MBOAT2: variants seen among roughly 807,000 people sequenced by gnomAD.
MBOAT2 encodes membrane bound glycerophospholipid O-acyltransferase 2, also known as membrane-bound glycerophospholipid O-acyltransferase 2.
In MBOAT2, 28 loss-of-function variants were observed where a neutral mutation model predicts 63.4. That is an observed-to-expected ratio of 0.44 (90% confidence interval 0.33 to 0.61). The LOEUF is 0.61. Among genes scored for constraint, MBOAT2 ranks in the 20% least tolerant of loss-of-function variants. The probability of loss-of-function intolerance (pLI) is 0.03; values close to 1 mark genes in which losing one functional copy is unlikely to be tolerated. For missense variants in MBOAT2, 470 were observed against 605.8 expected (o/e 0.78, Z 2.35); for synonymous variants, 211 against 215.6 (o/e 0.98, Z 0.19).
intron 3 of MBOAT2, among the ~76,000 whole-genome samples, chr2:8,912,351 G>GAAAGAAAGAAAGAAAGAGAA (rs1553362293): frequency 1.4e-4 from 10 of 69,930 alleles, no homozygotes; most frequent in Non-Finnish European, 1.9e-4. Context: ...AAGAAAGAAA[G>GAAAGAAAGAAAGAAAGAGAA]AGAAAGAAAG....
chr2:8,977,144 C>T (rs1670874212), intron 1 of MBOAT2, among the ~76,000 whole-genome samples: 1 of 151,990 alleles, frequency 6.6e-6, no homozygotes, highest in Admixed American at 6.6e-5. Context: ...GGGTGGATAC[C>T]TATGTCAAAA....
At chr2:8,879,539 A>G (rs1662951618) in intron 6 of MBOAT2, among the ~76,000 whole-genome samples, 1 of 152,174 alleles carries the variant, frequency 6.6e-6, no homozygotes. Context: ...TTTCATATCA[A>G]CTATGTGTTG....
intron 1 of MBOAT2, among the ~76,000 whole-genome samples, chr2:8,994,357 C>G (rs1242505004): frequency 6.6e-6 from 1 of 152,228 alleles, no homozygotes; most frequent in Non-Finnish European, 1.5e-5. Context: ...TCTCGCAGCA[C>G]TGCTTCCTGG....
In MBOAT2 at chr2:8,912,371, A is replaced by AAGAG. The variant is rs869060979; in HGVS notation, c.300-3659_300-3656dup. ...AGAAAGAGAAAGAAAGAAAGAAAGA[A>AAGAG]AGAGAAAGAAAGAAAGAAAGAAAGA... On this transcript the variant is annotated intron_variant, in intron 3 of 12. Coordinates refer to ENST00000305997, the MANE Select transcript of MBOAT2 (RefSeq NM_138799.4). 6.3e-5 allele frequency among the ~76,000 whole-genome samples: 5 copies of AAGAG among 78,970 alleles called. No individual in the cohort carries two copies. In the East Asian group the frequency reaches 1.3e-3, roughly 21 times the overall value. The allele number at this position is 78,970 out of a possible 152,430, so 51.8% of individuals were successfully genotyped here. A position where few individuals can be genotyped will look rare whatever the true frequency, so the allele number is the denominator to read the frequency against.
rs143728298 is a variant in MBOAT2, at chr2:8,882,745, TATAAA to T, written c.452-185_452-181del. On this transcript the variant is annotated intron_variant, in intron 5 of 12. Transcript: ENST00000305997. ...CAGCCTCGATCATGTGAAAAGTCTCTATAAAATAACACATGGTTGGGTATCTGACT... is the reference window on the plus strand; with the variant it reads ...CAGCCTCGATCATGTGAAAAGTCTCTATAACACATGGTTGGGTATCTGACT... Among the ~76,000 whole-genome samples the T allele has an allele frequency of 1.3e-3, 199 of 152,326 alleles. 1 individual carries two copies. Among genetic ancestry groups the T allele is most frequent in the African/African-American group, 4.5e-3 (189 of 41,576 alleles).
intron 1 of MBOAT2, among the ~76,000 whole-genome samples, chr2:8,977,960 C>T (rs1029578377): frequency 6.6e-5 from 10 of 152,198 alleles, no homozygotes; most frequent in South Asian, 4.1e-4. Flanking sequence ...TCTGTCTCCA[C>T]GGCTGCGATG....
At chr2:8,876,104 A>C (rs1369572345) in intron 7 of MBOAT2, among the ~76,000 whole-genome samples, 1 of 152,168 alleles carries the variant, frequency 6.6e-6, no homozygotes, top group Non-Finnish European at 1.5e-5. Flanking sequence ...TTTCATGGAA[A>C]CTTTATAGAT....
At chr2:8,885,106 T>A (rs2148545240) in intron 5 of MBOAT2, among the ~76,000 whole-genome samples, 1 of 152,336 alleles carries the variant, frequency 6.6e-6, no homozygotes, top group East Asian at 1.9e-4. Flanking sequence ...TACCATTTTT[T>A]CACTGAATTA....
At chr2:8,967,774 A>G (rs1180204758) in intron 1 of MBOAT2, among the ~76,000 whole-genome samples, 1 of 152,186 alleles carries the variant, frequency 6.6e-6, no homozygotes, top group Non-Finnish European at 1.5e-5. Flanking sequence ...TAAAGATAAT[A>G]TCTGAAATAT....
intron 1 of MBOAT2, among the ~76,000 whole-genome samples, chr2:8,978,243 C>A (rs960453711): frequency 1.3e-5 from 2 of 152,078 alleles, no homozygotes; most frequent in African/African-American, 4.8e-5. Context: ...CTCACTTCCA[C>A]CCCAAAGCTG....
intron 4 of MBOAT2, among the ~76,000 whole-genome samples, chr2:8,906,686 C>T (rs1250396987): frequency 6.6e-6 from 1 of 152,070 alleles, no homozygotes; most frequent in Non-Finnish European, 1.5e-5. Context: ...GAATAGCTGA[C>T]GAGGAAAATA....
intron 12 of MBOAT2, among the ~76,000 whole-genome samples, chr2:8,859,210 G>A (rs536740874): frequency 5.9e-5 from 9 of 152,200 alleles, no homozygotes; most frequent in South Asian, 4.1e-4. Context: ...TATTAATACC[G>A]GTAGCAATCT....
At chr2:8,980,643 C>T (rs922257555) in intron 1 of MBOAT2, among the ~76,000 whole-genome samples, 1 of 152,098 alleles carries the variant, frequency 6.6e-6, no homozygotes, top group Non-Finnish European at 1.5e-5. Flanking sequence ...AACAAAACAA[C>T]CTTTTTATAA....
chr2:8,902,618 G>T (rs1158322729), intron 4 of MBOAT2, among the ~76,000 whole-genome samples: 1 of 152,068 alleles, frequency 6.6e-6, no homozygotes, highest in Non-Finnish European at 1.5e-5. Context: ...TGGTCTCACT[G>T]ACTTCAGGAG....
chr2:8,925,603 G>A (rs1464979867), intron 3 of MBOAT2, among the ~76,000 whole-genome samples: 1 of 152,224 alleles, frequency 6.6e-6, no homozygotes, highest in African/African-American at 2.4e-5. Flanking sequence ...GTTAGCATGT[G>A]AGCAGAGTCT....
At chr2:8,988,577 C>T (rs1170158075) in intron 1 of MBOAT2, among the ~76,000 whole-genome samples, 1 of 151,908 alleles carries the variant, frequency 6.6e-6, no homozygotes, top group South Asian at 2.1e-4. Context: ...ATCCTTTGAG[C>T]CAAATTTTTT....
intron 1 of MBOAT2, among the ~76,000 whole-genome samples, chr2:8,997,083 T>C (rs964386020): frequency 1.3e-5 from 2 of 152,196 alleles, no homozygotes; most frequent in Admixed American, 6.5e-5. Flanking sequence ...GCTGCCCCAG[T>C]TGCCACACAC....
At chr2:8,883,311 G>T (rs141660151) in intron 5 of MBOAT2, among the ~76,000 whole-genome samples, 22 of 152,136 alleles carry the variant, frequency 1.4e-4, no homozygotes, top group African/African-American at 5.3e-4. Flanking sequence ...AATACATGTA[G>T]CCAACTAACG....
Position 9,003,481 on chromosome 2 carries a change from A to C in MBOAT2, c.75+59T>G, listed in dbSNP as rs1672861208. 2 of 1,101,602 alleles carry C rather than the reference A, an allele frequency of 1.8e-6. No homozygotes were observed. The highest frequency in any genetic ancestry group is 4.2e-5 in the East Asian group (1 of 23,658). 68.2% of individuals were successfully genotyped at this position (1,101,602 alleles called of 1,614,324 possible). On this transcript the variant is annotated intron_variant, in intron 1 of 12. Transcript: ENST00000305997. The surrounding 1 kb of genome is among the most constrained non-coding windows in gnomAD (Gnocchi z 5.4). ...CCTCCCGGGCCCCCGGTCGGGTGGC[A>C]CCGCGGCGGGGAGGGGCGGCGAGGG...
Sources: allele counts gnomAD v4.1 joint callset (sites outside exome capture counted in the v4.1 genomes callset), GRCh38; gene constraint gnomAD v4.1.1; non-coding constraint Gnocchi (gnomAD v3.1); transcripts MANE v1.5; gene names NCBI Gene and HGNC (gene_info 2026-07-23, HGNC 2026-07-21).